Variants in KIAA0319 observed in about 807,000 individuals in gnomAD.
KIAA0319 encodes the protein KIAA0319.
KIAA0319 carries 83 observed loss-of-function variants against 108.4 expected under a neutral mutation model. The observed-to-expected ratio is 0.77, with a 90% confidence interval of 0.64 to 0.92. The LOEUF (loss-of-function observed/expected upper bound fraction) is 0.92. Among genes scored for constraint, KIAA0319 ranks in the 40% least tolerant of loss-of-function variants. The pLI is 0.00. For missense variants in KIAA0319, 1,195 were observed against 1,322.4 expected (o/e 0.90, Z 1.49); for synonymous variants, 484 against 510.4 (o/e 0.95, Z 0.70).
intron 1 of KIAA0319, among the ~76,000 whole-genome samples, chr6:24,642,047 AAGGGG>A (rs893139086): frequency 7.9e-5 from 8 of 101,750 alleles, no homozygotes; most frequent in Middle Eastern, 4.4e-3. Context: ...GAGAGAAAGG[AAGGGG>A]AGGGGAGGGG....
chr6:24,585,276 G>C (rs947147652), intron 4 of KIAA0319, among the ~76,000 whole-genome samples: 35 of 151,754 alleles, frequency 2.3e-4, no homozygotes, highest in African/African-American at 6.8e-4. Flanking sequence ...AGTCAAGCTG[G>C]GAACTGTGTC....
intron 1 of KIAA0319, among the ~76,000 whole-genome samples, chr6:24,637,977 G>A (rs1027502563): frequency 6.6e-6 from 1 of 152,120 alleles, no homozygotes; most frequent in East Asian, 1.9e-4. Context: ...TGTCTAGAGG[G>A]ATACTTCCCA....
chr6:24,609,262 T>A (rs1771925392), intron 1 of KIAA0319, among the ~76,000 whole-genome samples: 1 of 116,754 alleles, frequency 8.6e-6, no homozygotes, highest in Non-Finnish European at 1.7e-5. Flanking sequence ...AGCCAGACCC[T>A]GTCTCAAAAA....
At chr6:24,602,393 C>A (rs530501930) in intron 1 of KIAA0319, among the ~76,000 whole-genome samples, 1 of 135,738 alleles carries the variant, frequency 7.4e-6, no homozygotes, top group Non-Finnish European at 1.8e-5. Flanking sequence ...CAGATGGCCA[C>A]ATGCCAGGCC....
intron 1 of KIAA0319, among the ~76,000 whole-genome samples, chr6:24,638,394 A>G (rs1178763910): frequency 6.6e-6 from 1 of 152,228 alleles, no homozygotes; most frequent in Non-Finnish European, 1.5e-5. Context: ...AATGCAAACA[A>G]ATAAGAGTTG....
At chr6:24,544,082 T>C (rs1760329824), downstream of KIAA0319, 3 of 152,270 alleles carry the variant, frequency 2.0e-5, no homozygotes, top group African/African-American at 7.2e-5. Context: ...CAGCCATAGA[T>C]AATACATAAA....
Position 24,616,407 on chromosome 6 carries a change from G to A in KIAA0319, c.-105-15199C>T, listed in dbSNP as rs553446581. 1.9e-3 allele frequency among the ~76,000 whole-genome samples: 288 copies of A among 152,312 alleles called. 4 individuals are homozygous for A. Among genetic ancestry groups the A allele is most frequent in the Non-Finnish European group, 1.3e-3 (86 of 68,016 alleles). On this transcript the variant is annotated intron_variant, in intron 1 of 20. Coordinates refer to ENST00000378214, the MANE Select transcript of KIAA0319 (RefSeq NM_014809.4). ...GGAGTCTCGCTCTGTTGCCAGGCTG[G>A]AGTGCAGTGGCGCCATCTCGGCTCA...
At chr6:24,580,791 T>C in intron 7 of KIAA0319, 135 bp downstream of exon 7, 1 of 646,352 alleles carries the variant, frequency 1.5e-6, no homozygotes, top group South Asian at 2.0e-5. Flanking sequence ...TTTGCGTGTT[T>C]TCTCTACAAT....
chr6:24,644,820 T>C (rs1428745773), intron 1 of KIAA0319, among the ~76,000 whole-genome samples: 1 of 152,240 alleles, frequency 6.6e-6, no homozygotes, highest in East Asian at 1.9e-4. Context: ...TCAGAGTACT[T>C]AGGTAATATG....
chr6:24,618,111 AT>A (rs1319727152), intron 1 of KIAA0319, among the ~76,000 whole-genome samples: 1 of 152,204 alleles, frequency 6.6e-6, no homozygotes, highest in African/African-American at 2.4e-5. Flanking sequence ...TCCTTCAAGA[AT>A]TGGCAACCAT....
intron 1 of KIAA0319, among the ~76,000 whole-genome samples, chr6:24,616,240 T>A (rs1773123323): frequency 6.6e-6 from 1 of 152,256 alleles, no homozygotes; most frequent in African/African-American, 2.4e-5. Flanking sequence ...TCCAGTATGA[T>A]CCTCTTGAGG....
chr6:24,630,599 GA>G (rs1395094555), intron 1 of KIAA0319, among the ~76,000 whole-genome samples: 18 of 59,870 alleles, frequency 3.0e-4, no homozygotes, highest in Non-Finnish European at 4.2e-4. Flanking sequence ...TACATTCCTA[GA>G]AAAAAATTAT....
chr6:24,572,676 T>A lies in KIAA0319; in HGVS notation c.1757A>T (p.His586Leu). 6.2e-7 allele frequency: 1 copy of A among 1,613,380 alleles called. No homozygotes were observed. The highest frequency in any genetic ancestry group is 1.1e-5 in the South Asian group (1 of 90,932). ...VMQGVQTPYL[H>L]LSAMQEGDYT... ...ATCTCCTTCCTGCATTGCAGATAAA[T>A]GAAGGTATGGCGTCTGTACTCCCTA... Residue 586 changes from histidine (H) to leucine (L), a missense_variant, in exon 11 of 21, where the codon CAT becomes CTT. His to Leu is a moderately conservative substitution (Grantham distance 99). Transcript: ENST00000378214.
At chr6:24,579,557 A>G (rs1582039798) in intron 8 of KIAA0319, among the ~76,000 whole-genome samples, 1 of 147,660 alleles carries the variant, frequency 6.8e-6, no homozygotes, top group South Asian at 2.1e-4. Context: ...ACACAAAGTG[A>G]TTTTCCAACT....
At chr6:24,601,912 G>A (rs150791749) in intron 1 of KIAA0319, among the ~76,000 whole-genome samples, 1 of 152,074 alleles carries the variant, frequency 6.6e-6, no homozygotes, top group Non-Finnish European at 1.5e-5. Flanking sequence ...GTGGATTGTC[G>A]GTCAAAGTTC....
intron 1 of KIAA0319, among the ~76,000 whole-genome samples, chr6:24,611,229 C>G (rs60613681): frequency 0.12 from 18,349 of 151,110 alleles, 2,309 homozygotes; most frequent in East Asian, 0.45. Flanking sequence ...CAGTGGCTCA[C>G]GCCTGTAATC....
chr6:24,637,445 T>C (rs1162338460), intron 1 of KIAA0319, among the ~76,000 whole-genome samples: 1 of 152,188 alleles, frequency 6.6e-6, no homozygotes, highest in African/African-American at 2.4e-5. Flanking sequence ...CTGTCTTCTT[T>C]TTGTTTTAGT....
At chr6:24,584,664 C>T (rs1244106878) in intron 4 of KIAA0319, among the ~76,000 whole-genome samples, 1 of 152,116 alleles carries the variant, frequency 6.6e-6, no homozygotes, top group Non-Finnish European at 1.5e-5. Flanking sequence ...GACATTGATC[C>T]AAACCTATCA....
intron 18 of KIAA0319, 111 bp downstream of exon 18, chr6:24,556,496 T>A: frequency 8.4e-7 from 1 of 1,188,264 alleles, no homozygotes; most frequent in Non-Finnish European, 1.2e-6. Flanking sequence ...AAAGGTGAAG[T>A]CTCACTATGT....
Sources: gnomAD v4.1 joint callset for allele counts (sites outside exome capture counted in the v4.1 genomes callset) on GRCh38, gnomAD v4.1.1 for gene constraint, MANE v1.5 for transcripts, NCBI Gene and HGNC (gene_info 2026-07-23, HGNC 2026-07-21) for gene names.